Variants in EFCAB11 observed in about 807,000 individuals in gnomAD.
EFCAB11 encodes the protein EF-hand calcium binding domain 11, also known as EF-hand calcium-binding domain-containing protein 11.
In EFCAB11, 14 loss-of-function variants were observed where a neutral mutation model predicts 23.0. The observed-to-expected ratio is 0.61, with a 90% CI of 0.40 to 0.95. The LOEUF (loss-of-function observed/expected upper bound fraction) is 0.95, where lower values mean the gene tolerates loss of function less well. EFCAB11 is among the 40% of genes least tolerant of loss of function. The probability of loss-of-function intolerance (pLI) is 0.00; values close to 1 mark genes in which losing one functional copy is unlikely to be tolerated. For missense variants in EFCAB11, 198 were observed against 195.8 expected, an observed-to-expected ratio of 1.01 and a Z score of -0.07; for synonymous variants, 65 against 66.6, an observed-to-expected ratio of 0.98 and a Z score of 0.11.
chr14:89,889,128 T>G (rs1384608444), intron 5 of EFCAB11, among the ~76,000 whole-genome samples: 2 of 152,154 alleles, frequency 1.3e-5, no homozygotes, highest in Non-Finnish European at 2.9e-5. Flanking sequence ...ATCTGAAAAT[T>G]AAGAGCCATG....
intron 5 of EFCAB11, among the ~76,000 whole-genome samples, chr14:89,831,450 C>G (rs1190235900): frequency 6.6e-6 from 1 of 152,150 alleles, no homozygotes; most frequent in African/African-American, 2.4e-5. Flanking sequence ...GCTGAAAGAA[C>G]AGGAGTTACA....
chr14:89,828,688 AG>A (rs1886787056), intron 5 of EFCAB11, among the ~76,000 whole-genome samples: 1 of 152,232 alleles, frequency 6.6e-6, no homozygotes, highest in Admixed American at 6.5e-5. Context: ...ATTTTTTGAA[AG>A]AAAGAATATT....
At chr14:89,905,289 C>T (rs919270025) in intron 5 of EFCAB11, among the ~76,000 whole-genome samples, 3 of 152,176 alleles carry the variant, frequency 2.0e-5, no homozygotes, top group Non-Finnish European at 4.4e-5. Flanking sequence ...CCCATGCACA[C>T]GAAGCATGAA....
chr14:89,916,208 G>A (rs970338024), intron 5 of EFCAB11, among the ~76,000 whole-genome samples: 8 of 144,794 alleles, frequency 5.5e-5, no homozygotes, highest in African/African-American at 2.3e-4. Context: ...GATACAAGTT[G>A]TCTATGAGAA....
intron 5 of EFCAB11, among the ~76,000 whole-genome samples, chr14:89,862,576 C>G (rs534214986): frequency 6.6e-6 from 1 of 152,278 alleles, no homozygotes; most frequent in East Asian, 1.9e-4. Context: ...TGAAGGATGA[C>G]TTTGAAAAGC....
In EFCAB11 at chr14:89,905,319, T is replaced by C. The variant is rs115654653; in HGVS notation, c.410+26222A>G. On this transcript the variant is annotated intron_variant, in intron 5 of 5. Transcript: ENST00000316738. Reference sequence around the variant, plus strand: ...CATGAAGACTTGTACTTTCTAGGTATAGAACAATGTTCCACATGTTAGGGA... The same window carrying C: ...CATGAAGACTTGTACTTTCTAGGTACAGAACAATGTTCCACATGTTAGGGA... Among the ~76,000 whole-genome samples, 455 of 152,310 alleles carry C rather than the reference T, an allele frequency of 3.0e-3. 4 individuals carry two copies. Among genetic ancestry groups the C allele is most frequent in the African/African-American group, 0.011 (444 of 41,574 alleles).
At chr14:89,919,481 G>A (rs1889957076) in intron 5 of EFCAB11, among the ~76,000 whole-genome samples, 1 of 152,190 alleles carries the variant, frequency 6.6e-6, no homozygotes, top group Admixed American at 6.5e-5. Context: ...GGAGACTAGA[G>A]GTGTGGCATG....
At chr14:89,886,689 A>G (rs528660018) in intron 5 of EFCAB11, among the ~76,000 whole-genome samples, 2 of 152,270 alleles carry the variant, frequency 1.3e-5, no homozygotes, top group Non-Finnish European at 2.9e-5. Context: ...GTGTTACACC[A>G]TATTATTCTC....
intron 5 of EFCAB11, among the ~76,000 whole-genome samples, chr14:89,816,268 G>T (rs547295061): frequency 6.6e-6 from 1 of 152,174 alleles, no homozygotes; most frequent in South Asian, 2.1e-4. Flanking sequence ...TCATTTATCA[G>T]TTCTAATAGT....
chr14:89,892,442 T>A, intron 5 of EFCAB11: 1 of 1,556,800 alleles, frequency 6.4e-7, no homozygotes, highest in Non-Finnish European at 8.7e-7. Context: ...ATGCCAGTGT[T>A]GACTCTAGGA....
intron 5 of EFCAB11, chr14:89,892,370 G>A: frequency 6.2e-7 from 1 of 1,609,948 alleles, no homozygotes; most frequent in Non-Finnish European, 8.5e-7. Flanking sequence ...CTTGGGGGGT[G>A]TCCGGCTCAT....
chr14:89,900,710 A>G (rs1345572516), intron 5 of EFCAB11, among the ~76,000 whole-genome samples: 1 of 152,252 alleles, frequency 6.6e-6, no homozygotes, highest in Non-Finnish European at 1.5e-5. Context: ...AGAATCAGGG[A>G]GAGTTAGAAA....
intron 5 of EFCAB11, among the ~76,000 whole-genome samples, chr14:89,800,119 G>A (rs1383329907): frequency 6.6e-6 from 1 of 152,164 alleles, no homozygotes; most frequent in East Asian, 1.9e-4. Flanking sequence ...CCGGGAGGCA[G>A]AGGTTGCAGT....
intron 5 of EFCAB11, among the ~76,000 whole-genome samples, chr14:89,835,585 C>CATGTGTGT (rs1166785662): frequency 1.1e-5 from 1 of 93,344 alleles, no homozygotes; most frequent in African/African-American, 4.6e-5. Flanking sequence ...GGATGCTCAA[C>CATGTGTGT]GTGTGTGTGT....
rs1314826251 is a variant in EFCAB11 at position 89,858,176 on chromosome 14, G to A, written c.411-60852C>T. 3.9e-5 allele frequency among the ~76,000 whole-genome samples: 6 copies of A among 152,194 alleles called. 1 individual carries two copies. Among genetic ancestry groups the A allele is most frequent in the Non-Finnish European group, 2.9e-5 (2 of 68,030 alleles). Reference sequence around the variant, plus strand: ...CCTCTCCTGGCTCTCTTGCCATGTGGTGAAGACACTCAAGCTGCCCTGATG... The same window carrying A: ...CCTCTCCTGGCTCTCTTGCCATGTGATGAAGACACTCAAGCTGCCCTGATG... On this transcript the variant is annotated intron_variant, in intron 5 of 5. Coordinates refer to ENST00000316738, the MANE Select transcript of EFCAB11 (RefSeq NM_145231.4).
At chr14:89,910,048 C>A (rs187105458) in intron 5 of EFCAB11, among the ~76,000 whole-genome samples, 1 of 152,228 alleles carries the variant, frequency 6.6e-6, no homozygotes, top group Non-Finnish European at 1.5e-5. Flanking sequence ...ACATCCTCAA[C>A]TAGACTCTAA....
chr14:89,929,046 C>CTTT (rs1566815434), intron 5 of EFCAB11, among the ~76,000 whole-genome samples: 2 of 143,788 alleles, frequency 1.4e-5, no homozygotes, highest in Non-Finnish European at 3.0e-5. Flanking sequence ...TATATATATA[C>CTTT]ACACACACAT....
rs776683981 is a variant in EFCAB11 at position 89,954,704 on chromosome 14, C to A, written c.-44G>T. The A allele has an allele frequency of 2.0e-5, 32 of 1,593,088 alleles. No individual in the cohort carries two copies. In the East Asian group the frequency reaches 7.3e-4, roughly 36 times the overall value. Reference sequence around the variant, plus strand: ...GCCCCAGCAACCCAACCAGCTACCACCGCTTTCCCAGCCTGGCTGGCAGCC... The same window carrying A: ...GCCCCAGCAACCCAACCAGCTACCAACGCTTTCCCAGCCTGGCTGGCAGCC... On this transcript the variant is annotated 5_prime_UTR_variant, in exon 1 of 6. Coordinates refer to ENST00000316738, the MANE Select transcript of EFCAB11 (RefSeq NM_145231.4).
At chr14:89,905,718 G>A (rs1290089140) in intron 5 of EFCAB11, among the ~76,000 whole-genome samples, 1 of 152,184 alleles carries the variant, frequency 6.6e-6, no homozygotes, top group Non-Finnish European at 1.5e-5. Flanking sequence ...GAGTCAGAGA[G>A]TAGCCAGCCT....
Sources: gnomAD v4.1 joint callset for allele counts (sites outside exome capture counted in the v4.1 genomes callset) on GRCh38, gnomAD v4.1.1 for gene constraint, MANE v1.5 for transcripts, NCBI Gene and HGNC (gene_info 2026-07-23, HGNC 2026-07-21) for gene names.